PHIP: variants seen among roughly 807,000 people sequenced by gnomAD.
The protein encoded by PHIP is PHIP subunit of CUL4-Ring ligase complex.
Under a neutral mutation model 236.8 loss-of-function variants are expected in PHIP, and 54 were observed. That is an observed-to-expected ratio of 0.23 (90% CI 0.18 to 0.29). The LOEUF (loss-of-function observed/expected upper bound fraction) is 0.29. Ranked by LOEUF, PHIP falls within the 10% of genes least tolerant of loss-of-function variation. The probability of loss-of-function intolerance (pLI) is 1.00; values close to 1 mark genes in which losing one functional copy is unlikely to be tolerated. For missense variants in PHIP, 1,370 were observed against 2,190.8 expected, an observed-to-expected ratio of 0.63 and a Z score of 7.48; for synonymous variants, 756 against 718.9, an observed-to-expected ratio of 1.05 and a Z score of -0.83.
At chr6:78,991,031 AC>A in intron 19 of PHIP, 46 bp from the exon 20 acceptor site, 1 of 1,140,148 alleles carries the variant, frequency 8.8e-7, no homozygotes, top group Non-Finnish European at 1.3e-6. Flanking sequence ...TTTACACATA[AC>A]TTTCCTCCAA....
chr6:79,057,922 C>T (rs555602277), intron 6 of PHIP, among the ~76,000 whole-genome samples: 1 of 152,140 alleles, frequency 6.6e-6, no homozygotes, highest in Admixed American at 6.5e-5. Flanking sequence ...AAAATATATA[C>T]CATGGTGAAC....
chr6:79,024,499 T>C (rs2127747372), intron 9 of PHIP, among the ~76,000 whole-genome samples: 1 of 152,176 alleles, frequency 6.6e-6, no homozygotes, highest in South Asian at 2.1e-4. Context: ...CCCCACTACA[T>C]CCACTTAAAA....
rs1332774603 is a variant in PHIP at position 78,978,584 on chromosome 6, T to C, written c.2889+8A>G. The C allele has an allele frequency of 1.3e-6, 2 of 1,569,516 alleles. No individual in the cohort carries two copies. Among genetic ancestry groups the C allele is most frequent in the East Asian group, 2.3e-5 (1 of 44,400 alleles). On this transcript the variant is annotated splice_region_variant and intron_variant, in intron 24 of 39. Coordinates refer to ENST00000275034, the MANE Select transcript of PHIP (RefSeq NM_017934.7). ...GGAAAAATGGATAATTTAAAACTTT[T>C]AAAGTACCTCATCACCCATCTGTGG...
At chr6:79,065,932 T>C (rs1053940994) in intron 4 of PHIP, among the ~76,000 whole-genome samples, 1 of 152,100 alleles carries the variant, frequency 6.6e-6, no homozygotes, top group Admixed American at 6.5e-5. Flanking sequence ...GATATACATA[T>C]GTGATTTTCA....
intron 7 of PHIP, among the ~76,000 whole-genome samples, chr6:79,031,954 T>C (rs1771690362): frequency 6.6e-6 from 1 of 152,206 alleles, no homozygotes; most frequent in African/African-American, 2.4e-5. Flanking sequence ...TCATACTTCC[T>C]AGATACCGCA....
At chr6:79,077,186 C>T (rs539571533) in intron 4 of PHIP, among the ~76,000 whole-genome samples, 27 of 152,040 alleles carry the variant, frequency 1.8e-4, no homozygotes, top group African/African-American at 5.8e-4. Flanking sequence ...TTGCACTGCA[C>T]AACACTCATG....
At chr6:79,064,619 ATCTTC>A (rs1250310582) in intron 4 of PHIP, among the ~76,000 whole-genome samples, 2 of 152,134 alleles carry the variant, frequency 1.3e-5, no homozygotes, top group Non-Finnish European at 2.9e-5. Flanking sequence ...TTTGCAAACT[ATCTTC>A]TCTTAACTTT....
intron 27 of PHIP, among the ~76,000 whole-genome samples, chr6:78,967,114 AC>A (rs1767194588): frequency 2.6e-5 from 4 of 152,174 alleles, no homozygotes; most frequent in Admixed American, 2.0e-4. Flanking sequence ...TCATTTTCTT[AC>A]CAAAAAGGAT....
intron 35 of PHIP, among the ~76,000 whole-genome samples, chr6:78,952,816 C>T (rs151241782): frequency 1.2e-3 from 184 of 151,210 alleles, no homozygotes; most frequent in Non-Finnish European, 2.3e-3. Flanking sequence ...TCATTTATTC[C>T]TTTAACCAAA....
intron 15 of PHIP, among the ~76,000 whole-genome samples, chr6:79,009,336 T>A (rs1327279153): frequency 6.6e-6 from 1 of 152,120 alleles, no homozygotes; most frequent in Non-Finnish European, 1.5e-5. Flanking sequence ...CTCTTGTTTA[T>A]AAAATTCATT....
intron 17 of PHIP, among the ~76,000 whole-genome samples, chr6:79,001,303 C>T (rs1769977273): frequency 6.6e-6 from 1 of 152,044 alleles, no homozygotes; most frequent in African/African-American, 2.4e-5. Flanking sequence ...CTTCAACACT[C>T]CATTATACTT....
intron 24 of PHIP, among the ~76,000 whole-genome samples, chr6:78,972,338 T>C (rs560214100): frequency 3.3e-4 from 50 of 152,250 alleles, no homozygotes; most frequent in African/African-American, 1.2e-3. Flanking sequence ...GAAGGAAAAC[T>C]AACAAACAGA....
chr6:78,940,990 T>G lies in PHIP; in HGVS notation c.5169A>C (p.Gln1723His). 1.2e-6 allele frequency: 2 copies of G among 1,614,080 alleles called. No individual in the cohort carries two copies. Among genetic ancestry groups the G allele is most frequent in the Non-Finnish European group, 1.7e-6 (2 of 1,179,948 alleles). Reference protein sequence around the residue: ...GRKPKRKMKTQKLDADLLVPA... With the variant: ...GRKPKRKMKTHKLDADLLVPA... ...GGACTAGGAGATCTGCATCTAATTT[T>G]TGTGTCTTCATCTTCCTTTTGGGCT... Residue 1723 changes from glutamine (Q) to histidine (H), a missense_variant, in exon 40 of 40, where the codon CAA becomes CAC. This residue lies in a region of PHIP where 309 missense variants were observed against 328.3 expected (regional missense o/e 0.94). Transcript: ENST00000275034.
chr6:79,005,440 T>TA lies in PHIP; in HGVS notation c.1525-1583dup, dbSNP rs900095429. 2.9e-4 allele frequency among the ~76,000 whole-genome samples: 43 copies of TA among 147,736 alleles called. No individual in the cohort carries two copies. The East Asian group carries it at 4.5e-3, about 16-fold the overall frequency. On this transcript the variant is annotated intron_variant, in intron 15 of 39. Transcript: ENST00000275034. ...ATTTTTCAGTGTTTTCCTAGGCAAA[T>TA]AAAAAAAAAAGTTACATGAACTGTT...
At chr6:79,006,687 C>T (rs979424402) in intron 15 of PHIP, among the ~76,000 whole-genome samples, 1 of 151,948 alleles carries the variant, frequency 6.6e-6, no homozygotes, top group African/African-American at 2.4e-5. Flanking sequence ...CTAGCACTTA[C>T]TGCAGTTGTA....
At chr6:78,970,603 A>G (rs765693951) in intron 25 of PHIP, among the ~76,000 whole-genome samples, 178 bp downstream of exon 25, 1 of 152,098 alleles carries the variant, frequency 6.6e-6, no homozygotes, top group Non-Finnish European at 1.5e-5. Flanking sequence ...AATTCAGTCA[A>G]ATCTTGTGTT....
chr6:79,016,826 G>C (rs886907401), intron 12 of PHIP, among the ~76,000 whole-genome samples, 184 bp from the exon 13 acceptor site: 5 of 151,742 alleles, frequency 3.3e-5, no homozygotes, highest in African/African-American at 1.2e-4. Context: ...TTCATGGCTA[G>C]GTCACAAAAT....
chr6:79,001,978 T>G lies in PHIP; in HGVS notation c.1800A>C (p.Ser600=), dbSNP rs1344157121. Residue 600 remains serine (S), a synonymous_variant, in exon 17 of 40, where the codon TCA becomes TCC. Transcript: ENST00000275034. ...LVDVDGNPHP[S]RYQRLVPGRE... is the part of the protein sequence containing the mutation. ...GGCCAGGAACTAATCTTTGATATCT[T>G]GATGGATGAGGGTTACCATCAACAT... The G allele has an allele frequency of 1.2e-6, 2 of 1,613,224 alleles. No individual in the cohort carries two copies. The highest frequency in any genetic ancestry group is 1.7e-6 in the Non-Finnish European group (2 of 1,179,488).
chr6:79,077,373 TA>T, intron 4 of PHIP, 74 bp downstream of exon 4: 2 of 1,368,598 alleles, frequency 1.5e-6, no homozygotes, highest in African/African-American at 1.5e-5. Context: ...TTTGTCTCTG[TA>T]AAAAATTGCG....
Sources: allele counts gnomAD v4.1 joint callset (sites outside exome capture counted in the v4.1 genomes callset), GRCh38; gene constraint gnomAD v4.1.1; regional missense constraint gnomAD v4.1.1; transcripts MANE v1.5; gene names NCBI Gene and HGNC (gene_info 2026-07-23, HGNC 2026-07-21).